The following LOC400499 variants were observed in gnomAD, a reference collection of about 807,000 sequenced individuals.
chr16:11,396,425 A>T, the LOC400499 span: 1 of 1,188,700 alleles, frequency 8.4e-7, no homozygotes, highest in Non-Finnish European at 1.1e-6. Flanking sequence ...CCGCCCAGGC[A>T]GTTGGGGGCC....
the LOC400499 span, among the ~76,000 whole-genome samples, chr16:11,525,175 T>C: frequency 3.3e-5 from 5 of 151,588 alleles, no homozygotes; most frequent in African/African-American, 4.9e-5. Flanking sequence ...TCCCAGCTAC[T>C]CGTGGGAGGT....
the LOC400499 span, among the ~76,000 whole-genome samples, chr16:11,437,005 A>C: frequency 6.6e-6 from 1 of 152,220 alleles, no homozygotes; most frequent in African/African-American, 2.4e-5. Context: ...TGAGCTATTA[A>C]GCTGAAAAAG....
chr16:11,427,646 A>G, the LOC400499 span, among the ~76,000 whole-genome samples: 1 of 151,418 alleles, frequency 6.6e-6, no homozygotes. Context: ...GAGTCTCCCT[A>G]TGTTGCCCAG....
chr16:11,379,357 T>C, the LOC400499 span, among the ~76,000 whole-genome samples: 1 of 152,274 alleles, frequency 6.6e-6, no homozygotes, highest in African/African-American at 2.4e-5. Flanking sequence ...CTGAGGTGTG[T>C]TGCATGTACA....
the LOC400499 span, among the ~76,000 whole-genome samples, chr16:11,376,829 G>A: frequency 6.6e-6 from 1 of 152,090 alleles, no homozygotes; most frequent in Non-Finnish European, 1.5e-5. Context: ...AATATGAGAT[G>A]CCTTTACATT....
the LOC400499 span, among the ~76,000 whole-genome samples, chr16:11,378,251 CTTTT>C: frequency 6.1e-5 from 4 of 65,210 alleles, no homozygotes; most frequent in Non-Finnish European, 7.5e-5. Context: ...CTTTTTTTTT[CTTTT>C]TTTTTTTTTT....
chr16:11,501,755 C>T, the LOC400499 span, among the ~76,000 whole-genome samples: 2 of 152,018 alleles, frequency 1.3e-5, no homozygotes, highest in South Asian at 4.1e-4. Flanking sequence ...AGGAGGGTAC[C>T]CTAGGTGCAT....
the LOC400499 span, among the ~76,000 whole-genome samples, chr16:11,480,113 G>A: frequency 3.3e-5 from 5 of 152,204 alleles, 1 homozygote; most frequent in South Asian, 6.2e-4. Context: ...TCCTCTGTCC[G>A]CCACAGTCCC....
At chr16:11,426,215 C>A in the LOC400499 span, among the ~76,000 whole-genome samples, 1 of 151,902 alleles carries the variant, frequency 6.6e-6, no homozygotes, top group Non-Finnish European at 1.5e-5. Context: ...ACAGGCAGAT[C>A]ACTTGAGGTC....
the LOC400499 span, chr16:11,414,453 C>T: frequency 2.5e-6 from 1 of 400,406 alleles, no homozygotes; most frequent in East Asian, 3.6e-5. Context: ...CTGCCAGGTC[C>T]ATGCTGACTC....
At chr16:11,459,628 G>A in the LOC400499 span, among the ~76,000 whole-genome samples, 4 of 152,168 alleles carry the variant, frequency 2.6e-5, no homozygotes, top group East Asian at 1.9e-4. Flanking sequence ...GACTAAAAGC[G>A]AACCGCTCTT....
chr16:11,424,280 G>C, the LOC400499 span: 1 of 399,166 alleles, frequency 2.5e-6, no homozygotes, highest in East Asian at 3.6e-5. Context: ...ACAGCGCCAG[G>C]CGTGCTGAGC....
chr16:11,415,937 G>GT, the LOC400499 span, among the ~76,000 whole-genome samples: 30 of 147,392 alleles, frequency 2.0e-4, no homozygotes, highest in Admixed American at 4.8e-4. Context: ...AAAATAAAGT[G>GT]TTTTTTTTGC....
chr16:11,503,523 G>A, the LOC400499 span, among the ~76,000 whole-genome samples: 2 of 152,266 alleles, frequency 1.3e-5, no homozygotes, highest in South Asian at 2.1e-4. Context: ...GCTTGGCCAG[G>A]GCCAGGCCTG....
the LOC400499 span, among the ~76,000 whole-genome samples, chr16:11,482,273 C>T: frequency 6.6e-6 from 1 of 152,106 alleles, no homozygotes; most frequent in African/African-American, 2.4e-5. Flanking sequence ...GGAGGCTGAG[C>T]CAGGGGACTC....
At chr16:11,392,427 C>G in the LOC400499 span, 2 of 399,054 alleles carry the variant, frequency 5.0e-6, no homozygotes, top group Non-Finnish European at 8.8e-6. Context: ...TGCCTGCCAT[C>G]CCGGAACAGG....
At chr16:11,448,059 C>G in the LOC400499 span, 1 of 1,535,234 alleles carries the variant, frequency 6.5e-7, no homozygotes. Flanking sequence ...TGAGCGACAC[C>G]TGGGTCTTCC....
the LOC400499 span, among the ~76,000 whole-genome samples, chr16:11,429,662 C>T: frequency 2.2e-3 from 338 of 152,104 alleles, 1 homozygote; most frequent in Admixed American, 3.7e-3. Context: ...TCAGTAGCGA[C>T]GGGGTTTCAC....
the LOC400499 span, among the ~76,000 whole-genome samples, chr16:11,429,139 G>A: frequency 2.0e-4 from 31 of 152,180 alleles, no homozygotes; most frequent in Admixed American, 1.8e-3. Context: ...AATCCCCAGC[G>A]TCAGGGGTGG....
Sources: gnomAD v4.1 joint callset for allele counts (sites outside exome capture counted in the v4.1 genomes callset) on GRCh38, gnomAD v4.1.1 for gene constraint, MANE v1.5 for transcripts.